Variants in IPPK observed in about 807,000 individuals in gnomAD.
IPPK encodes the protein IPK1 homolog.
Under a neutral mutation model 64.6 loss-of-function variants are expected in IPPK, and 22 were observed. That is an observed-to-expected ratio of 0.34 (90% CI 0.24 to 0.49). The LOEUF (loss-of-function observed/expected upper bound fraction) is 0.49. Among genes scored for constraint, IPPK ranks in the 20% least tolerant of loss-of-function variants. The pLI, the probability that IPPK is intolerant of heterozygous loss-of-function variation, is 0.99. For missense variants in IPPK, 532 were observed against 630.7 expected (o/e 0.84, Z 1.68); for synonymous variants, 262 against 247.2 (o/e 1.06, Z -0.56).
At chr9:92,653,706 G>T (rs772187625) in intron 3 of IPPK, among the ~76,000 whole-genome samples, 1 of 152,046 alleles carries the variant, frequency 6.6e-6, no homozygotes, top group South Asian at 2.1e-4. Flanking sequence ...AAAATTAGCC[G>T]GGTGTGGTGG....
At position 92,614,471 on chromosome 9, in the gene IPPK, T is replaced by C. The variant is rs764028614; in HGVS notation, c.*1361A>G. 7 of 152,670 alleles carry C rather than the reference T, an allele frequency of 4.6e-5. No individual in the cohort carries two copies. Among genetic ancestry groups the C allele is most frequent in the Non-Finnish European group, 1.0e-4 (7 of 68,036 alleles). The allele number at this position is 152,670 out of a possible 1,614,324, so 9.5% of individuals were successfully genotyped here. ...AAGTGAGAAGAAAACAGTAAAAGTG[T>C]CCAGTTAGATAAGTATCTTTTTGCA... On this transcript the variant is annotated 3_prime_UTR_variant, in exon 13 of 13. Coordinates refer to ENST00000287996, the MANE Select transcript of IPPK (RefSeq NM_022755.6).
At position 92,616,029 on chromosome 9, in the gene IPPK, A is replaced by G. The variant is rs1851418187; in HGVS notation, c.1279T>C (p.Ser427Pro). ...ACGGAAAAGGCAAACCTGGACCTCG[A>G]TGAAGGGACGACAGGCCTTTGATCA... ...SSDQRPVVPS[S>P]RSRFAFSVSV... The change falls in exon 13 of 13, where the codon TCG becomes CCG. Residue 427 changes from serine (S) to proline (P), a missense_variant. Coordinates refer to ENST00000287996, the MANE Select transcript of IPPK (RefSeq NM_022755.6). The G allele has an allele frequency of 1.2e-6, 2 of 1,614,070 alleles. No homozygotes were observed. The highest frequency in any genetic ancestry group is 1.7e-6 in the Non-Finnish European group (2 of 1,180,030).
intron 3 of IPPK, among the ~76,000 whole-genome samples, chr9:92,654,380 G>A (rs370325577): frequency 2.8e-4 from 43 of 152,260 alleles, no homozygotes; most frequent in African/African-American, 4.1e-4. Context: ...AGCTGGGTGC[G>A]GTGGTGCGCA....
At position 92,638,369 on chromosome 9, in the gene IPPK, C is replaced by T. The variant is rs76339302; in HGVS notation, c.637-89G>A. The T allele has an allele frequency of 2.7e-3, 3,999 of 1,464,724 alleles. 100 individuals are homozygous for T. In the African/African-American group the frequency reaches 0.049, roughly 18 times the overall value. 90.7% of individuals were successfully genotyped at this position (1,464,724 alleles called of 1,614,324 possible). On this transcript the variant is annotated intron_variant, in intron 8 of 12. Transcript: ENST00000287996. ...TCCCCACCACCAGCATCCCAGGCAG[C>T]GGGTGAAAGCCAAGGGCCCTGATGC...
intron 2 of IPPK, 49 bp from the exon 3 acceptor site, chr9:92,656,600 G>A: frequency 7.9e-7 from 1 of 1,267,466 alleles, no homozygotes; most frequent in Non-Finnish European, 1.2e-6. Context: ...CCTCCCAACA[G>A]AGCCTTGCTT....
chr9:92,656,251 G>A (rs951027953), intron 3 of IPPK, among the ~76,000 whole-genome samples: 15 of 152,284 alleles, frequency 9.9e-5, no homozygotes, highest in African/African-American at 3.6e-4. Flanking sequence ...GGTTCACGTG[G>A]GCCCTCTGAA....
chr9:92,617,845 G>A lies in IPPK; in HGVS notation c.1250+1641C>T, dbSNP rs565644784. On this transcript the variant is annotated intron_variant, in intron 12 of 12. Coordinates refer to ENST00000287996, the MANE Select transcript of IPPK (RefSeq NM_022755.6). ...TCCCAAAGGGACAAAGCTCTGCAGC[G>A]ACAGGAAGGCAGATCCAACTTGAGA... 7.4e-4 allele frequency: 153 copies of A among 207,448 alleles called. 1 individual carries two copies. Among genetic ancestry groups the A allele is most frequent in the Non-Finnish European group, 1.0e-3 (106 of 101,526 alleles). 12.9% of individuals were successfully genotyped at this position (207,448 alleles called of 1,614,324 possible).
chr9:92,634,692 G>C (rs1851905902), intron 10 of IPPK, among the ~76,000 whole-genome samples: 1 of 152,334 alleles, frequency 6.6e-6, no homozygotes, highest in South Asian at 2.1e-4. Context: ...CCTTGAAGCT[G>C]AGCCTTCTCC....
chr9:92,627,713 A>G (rs1333186225), intron 11 of IPPK, among the ~76,000 whole-genome samples: 1 of 152,240 alleles, frequency 6.6e-6, no homozygotes, highest in African/African-American at 2.4e-5. Context: ...CAATCTGATA[A>G]AGGAATCTAC....
intron 1 of IPPK, among the ~76,000 whole-genome samples, chr9:92,667,418 A>T (rs989620925): frequency 6.6e-6 from 1 of 152,190 alleles, no homozygotes; most frequent in Admixed American, 6.5e-5. Context: ...TCCTCGGTCC[A>T]CAGCCTGAGC....
intron 6 of IPPK, among the ~76,000 whole-genome samples, chr9:92,645,481 T>C (rs530947193): frequency 2.0e-5 from 3 of 151,612 alleles, no homozygotes; most frequent in African/African-American, 7.3e-5. Flanking sequence ...AAGAACAGGC[T>C]TGAGTAGGCA....
intron 12 of IPPK, chr9:92,618,672 C>G (rs772648352): frequency 8.5e-5 from 35 of 413,544 alleles, no homozygotes; most frequent in Non-Finnish European, 1.5e-4. Flanking sequence ...ATAGAACAAC[C>G]TTTTTTCTAC....
At chr9:92,640,134 T>A (rs1852017359) in intron 8 of IPPK, among the ~76,000 whole-genome samples, 1 of 152,218 alleles carries the variant, frequency 6.6e-6, no homozygotes, top group African/African-American at 2.4e-5. Flanking sequence ...TGTGTGATCA[T>A]GAGGCTACAA....
intron 6 of IPPK, among the ~76,000 whole-genome samples, chr9:92,644,680 C>T (rs572816194): frequency 1.3e-5 from 2 of 152,272 alleles, no homozygotes; most frequent in South Asian, 2.1e-4. Context: ...GCTAACTGAG[C>T]AGACTTTATT....
At chr9:92,664,666 A>T (rs1466697227) in intron 1 of IPPK, among the ~76,000 whole-genome samples, 1 of 152,220 alleles carries the variant, frequency 6.6e-6, no homozygotes, top group African/African-American at 2.4e-5. Context: ...GGCTGCCTAG[A>T]GGCCCACAGT....
intron 1 of IPPK, among the ~76,000 whole-genome samples, chr9:92,664,212 G>C (rs947599508): frequency 2.6e-5 from 4 of 152,228 alleles, no homozygotes; most frequent in African/African-American, 9.6e-5. Flanking sequence ...AAGAAGCAGG[G>C]CTTACGGTAC....
intron 1 of IPPK, among the ~76,000 whole-genome samples, chr9:92,664,991 C>T (rs999824641): frequency 6.6e-6 from 1 of 152,180 alleles, no homozygotes; most frequent in African/African-American, 2.4e-5. Flanking sequence ...GGCACTGTCA[C>T]AGGCTGCAGT....
At position 92,635,339 on chromosome 9, in the gene IPPK, A is replaced by T. The variant is rs779570132; in HGVS notation, c.917-31T>A. ...GAGAACATCAGGGGAAAACGAGAGC[A>T]TGTTGATTATCAAAGAACGTGGAGG... On this transcript the variant is annotated intron_variant, in intron 9 of 12. Coordinates refer to ENST00000287996, the MANE Select transcript of IPPK (RefSeq NM_022755.6). The surrounding 1 kb of genome is among the most constrained non-coding windows in gnomAD (Gnocchi z 4.4). The T allele has an allele frequency of 4.3e-5, 68 of 1,597,582 alleles. No individual in the cohort carries two copies. Among genetic ancestry groups the T allele is most frequent in the Non-Finnish European group, 3.9e-5 (46 of 1,171,732 alleles).
chr9:92,621,417 A>T lies in IPPK; in HGVS notation c.1171-1852T>A, dbSNP rs564078605. Among the ~76,000 whole-genome samples, 33 of 151,946 alleles carry T rather than the reference A, an allele frequency of 2.2e-4. 1 individual carries two copies. In the Middle Eastern group the frequency reaches 0.014, roughly 63 times the overall value. On this transcript the variant is annotated intron_variant, in intron 11 of 12. Transcript: ENST00000287996. ...TTCTAGAAAAATACAACTTACTAAA[A>T]TTTGAAACTTTCCTACAAAGACAAC...
Sources: gnomAD v4.1 joint callset for allele counts (sites outside exome capture counted in the v4.1 genomes callset) on GRCh38, gnomAD v4.1.1 for gene constraint, Gnocchi (gnomAD v3.1) non-coding constraint, MANE v1.5 for transcripts, NCBI Gene and HGNC (gene_info 2026-07-23, HGNC 2026-07-21) for gene names.